FIGN: variants seen among roughly 807,000 people sequenced by gnomAD.
FIGN encodes fidgetin, microtubule severing factor, also known as fidgetin.
FIGN carries 11 observed loss-of-function variants against 51.3 expected under a neutral mutation model. The ratio of observed to expected loss-of-function variants is 0.21; its 90% CI spans 0.13 to 0.35. The LOEUF is 0.35. FIGN is among the 10% of genes least tolerant of loss of function. The pLI is 1.00. For missense variants in FIGN, 857 were observed against 943.6 expected (o/e 0.91, Z 1.20); for synonymous variants, 407 against 363.2 (o/e 1.12, Z -1.37).
At chr2:163,633,762 T>G (rs1683184847) in intron 2 of FIGN, among the ~76,000 whole-genome samples, 1 of 152,166 alleles carries the variant, frequency 6.6e-6, no homozygotes, top group African/African-American at 2.4e-5. Flanking sequence ...TGTTTATGAC[T>G]CCTAAGTCTC....
chr2:163,640,276 C>G (rs892473512), intron 2 of FIGN, among the ~76,000 whole-genome samples: 3 of 152,048 alleles, frequency 2.0e-5, no homozygotes, highest in Non-Finnish European at 1.5e-5. Flanking sequence ...AACTTAAGAA[C>G]ATTTTCATGT....
At chr2:163,630,675 AG>A (rs5835954) in intron 2 of FIGN, among the ~76,000 whole-genome samples, 1,664 of 143,114 alleles carry the variant, frequency 0.012, 29 homozygotes, top group African/African-American at 0.038. Flanking sequence ...TACAAAAAAA[AG>A]GGGGGGGGGA....
At chr2:163,638,749 G>A (rs191231939) in intron 2 of FIGN, among the ~76,000 whole-genome samples, 3 of 152,094 alleles carry the variant, frequency 2.0e-5, no homozygotes, top group East Asian at 3.9e-4. Context: ...AATCAATTAC[G>A]CTGTGACATG....
chr2:163,697,868 T>G lies in FIGN; in HGVS notation c.25+37035A>C, dbSNP rs202107890. On this transcript the variant is annotated intron_variant, in intron 2 of 2. Transcript: ENST00000333129. ...AATTGCACTGAGCAATCATATGTGC[T>G]TATTGTTGTTATTACAGGTATTTTT... Among the ~76,000 whole-genome samples the G allele has an allele frequency of 2.6e-5, 4 of 152,334 alleles. No individual in the cohort carries two copies. The East Asian group carries it at 7.7e-4, about 29-fold the overall frequency.
intron 2 of FIGN, among the ~76,000 whole-genome samples, chr2:163,706,153 C>T (rs896363375): frequency 7.5e-4 from 114 of 152,114 alleles, no homozygotes; most frequent in Non-Finnish European, 7.4e-4. Context: ...TTAAATGCTA[C>T]GCAAATTTAC....
chr2:163,684,842 T>G (rs1457706134), intron 2 of FIGN, among the ~76,000 whole-genome samples: 1 of 152,120 alleles, frequency 6.6e-6, no homozygotes, highest in African/African-American at 2.4e-5. Context: ...TGGCGTGATC[T>G]CGGCTCACTG....
At chr2:163,654,781 A>G (rs907916787) in intron 2 of FIGN, among the ~76,000 whole-genome samples, 23 of 152,200 alleles carry the variant, frequency 1.5e-4, no homozygotes, top group Non-Finnish European at 2.8e-4. Flanking sequence ...TTACATGTGT[A>G]TGCTCGTATC....
At chr2:163,692,398 A>G (rs1559022817) in intron 2 of FIGN, among the ~76,000 whole-genome samples, 1 of 152,222 alleles carries the variant, frequency 6.6e-6, no homozygotes, top group Non-Finnish European at 1.5e-5. Context: ...TATGATATTA[A>G]TGTATTTTCT....
chr2:163,681,661 T>C (rs1305519140), intron 2 of FIGN, among the ~76,000 whole-genome samples: 1 of 152,174 alleles, frequency 6.6e-6, no homozygotes, highest in East Asian at 1.9e-4. Context: ...TGTTTTCAAA[T>C]ATCTTTGTGT....
rs748833902 is a variant in FIGN, at chr2:163,610,346, C to A, written c.1486G>T (p.Ala496Ser). Residue 496 changes from alanine to serine, a missense_variant, in exon 3 of 3, where the codon GCT (alanine) becomes TCT (serine). Transcript: ENST00000333129. The stretch of plus-strand genomic sequence containing the variant: ...CATAAAACCTCCTCTTTAATGACAG[C>A]CTTCACCAGGTCGAGACCAGCAATG... ...NDIAGLDLVKAVIKEEVLWPV... is the reference protein window; with the variant it reads ...NDIAGLDLVKSVIKEEVLWPV... 1 of 1,614,158 alleles carries A rather than the reference C, an allele frequency of 6.2e-7. No individual in the cohort carries two copies. The highest frequency in any genetic ancestry group is 8.5e-7 in the Non-Finnish European group (1 of 1,180,032).
rs900840520 is a variant in FIGN, at chr2:163,675,706, C to CTT, written c.25+59195_25+59196dup. Among the ~76,000 whole-genome samples the CTT allele has an allele frequency of 5.3e-3, 537 of 100,518 alleles. 4 individuals are homozygous for CTT. The highest frequency in any genetic ancestry group is 7.4e-3 in the Middle Eastern group (1 of 136). 65.9% of individuals were successfully genotyped at this position (100,518 alleles called of 152,430 possible). On this transcript the variant is annotated intron_variant, in intron 2 of 2. Coordinates refer to ENST00000333129, the MANE Select transcript of FIGN (RefSeq NM_018086.4). Reference sequence around the variant, plus strand: ...TGAATGTCTTTTCTTTTCTTTCTTTCTTTTTTTTTTTTTTTTTTTTTTTGT... The same window carrying CTT: ...TGAATGTCTTTTCTTTTCTTTCTTTCTTTTTTTTTTTTTTTTTTTTTTTTTGT...
chr2:163,677,226 G>A (rs1683987143), intron 2 of FIGN, among the ~76,000 whole-genome samples: 1 of 152,194 alleles, frequency 6.6e-6, no homozygotes, highest in Non-Finnish European at 1.5e-5. Flanking sequence ...AAAATAGGAA[G>A]CTCTACTGTT....
At chr2:163,644,677 C>T (rs1448816864) in intron 2 of FIGN, among the ~76,000 whole-genome samples, 2 of 152,068 alleles carry the variant, frequency 1.3e-5, no homozygotes, top group African/African-American at 4.8e-5. Flanking sequence ...TGGAAGCAAC[C>T]CAAATATTCA....
intron 2 of FIGN, among the ~76,000 whole-genome samples, chr2:163,674,733 T>A (rs1683929935): frequency 6.6e-6 from 1 of 152,168 alleles, no homozygotes; most frequent in African/African-American, 2.4e-5. Context: ...AAAATAATAA[T>A]GCAGTTTTTG....
intron 2 of FIGN, among the ~76,000 whole-genome samples, chr2:163,700,635 CA>C (rs1190700743): frequency 6.6e-6 from 1 of 151,990 alleles, no homozygotes; most frequent in African/African-American, 2.4e-5. Flanking sequence ...GGGGAGAGTT[CA>C]GTCAAGGTTA....
intron 2 of FIGN, among the ~76,000 whole-genome samples, chr2:163,692,577 A>G (rs890705618): frequency 6.6e-6 from 1 of 152,178 alleles, no homozygotes; most frequent in African/African-American, 2.4e-5. Context: ...ATTTCTTTCT[A>G]CTGAAGATTA....
intron 2 of FIGN, among the ~76,000 whole-genome samples, chr2:163,710,834 G>A (rs1439387558): frequency 6.6e-6 from 1 of 152,012 alleles, no homozygotes. Flanking sequence ...TAACTTACTT[G>A]TTGGTAAAAT....
intron 2 of FIGN, among the ~76,000 whole-genome samples, chr2:163,639,334 T>C (rs538688539): frequency 5.9e-5 from 9 of 152,276 alleles, no homozygotes; most frequent in African/African-American, 1.9e-4. Flanking sequence ...CAGAAAAATG[T>C]TTAAATTTTT....
intron 2 of FIGN, among the ~76,000 whole-genome samples, chr2:163,734,097 C>G (rs1684974191): frequency 1.3e-5 from 2 of 151,650 alleles, no homozygotes; most frequent in African/African-American, 4.9e-5. Context: ...AAAATCCCCT[C>G]TCACTCCATT....
Sources: gnomAD v4.1 joint callset for allele counts (sites outside exome capture counted in the v4.1 genomes callset) on GRCh38, gnomAD v4.1.1 for gene constraint, MANE v1.5 for transcripts, NCBI Gene and HGNC (gene_info 2026-07-23, HGNC 2026-07-21) for gene names.